IGDCC3: variants seen among roughly 807,000 people sequenced by gnomAD.
The protein encoded by IGDCC3 is putative neuronal cell adhesion molecule.
A neutral mutation model predicts 72.0 loss-of-function variants in IGDCC3; 47 were observed. The observed-to-expected ratio is 0.65, with a 90% CI of 0.52 to 0.83. The LOEUF (loss-of-function observed/expected upper bound fraction) is 0.83, where lower values mean the gene tolerates loss of function less well. Ranked by LOEUF, IGDCC3 falls within the 40% of genes least tolerant of loss-of-function variation. The pLI, the probability that IGDCC3 is intolerant of heterozygous loss-of-function variation, is 0.00. For missense variants in IGDCC3, 1,038 were observed against 1,091.3 expected, an observed-to-expected ratio of 0.95 and a Z score of 0.69; for synonymous variants, 477 against 472.8, an observed-to-expected ratio of 1.01 and a Z score of -0.11.
Position 65,329,699 on chromosome 15 carries a change from A to G in IGDCC3, c.1997+27T>C, listed in dbSNP as rs756982927. 2 of 1,613,786 alleles carry G rather than the reference A, an allele frequency of 1.2e-6. No individual in the cohort carries two copies. Among genetic ancestry groups the G allele is most frequent in the East Asian group, 4.5e-5 (2 of 44,872 alleles). On this transcript the variant is annotated intron_variant, in intron 12 of 13. Coordinates refer to ENST00000327987, the MANE Select transcript of IGDCC3 (RefSeq NM_004884.4). The surrounding 1 kb of genome is among the most constrained non-coding windows in gnomAD (Gnocchi z 4.1). Reference sequence around the variant, plus strand: ...GGCCTAGTCCCCCACACACCAGCCCAGCCCCTCTCCCTGGCCCAGGACCCA... The same window carrying G: ...GGCCTAGTCCCCCACACACCAGCCCGGCCCCTCTCCCTGGCCCAGGACCCA...
chr15:65,358,595 C>T (rs2091241014), intron 2 of IGDCC3, among the ~76,000 whole-genome samples: 1 of 152,136 alleles, frequency 6.6e-6, no homozygotes, highest in Non-Finnish European at 1.5e-5. Context: ...AGAAATGGCA[C>T]ATTCAAAAAG....
At chr15:65,345,956 CA>C (rs1176299479) in intron 2 of IGDCC3, among the ~76,000 whole-genome samples, 1 of 152,172 alleles carries the variant, frequency 6.6e-6, no homozygotes, top group Non-Finnish European at 1.5e-5. Context: ...CGGGGAAATA[CA>C]TATTCAAATG....
At position 65,330,624 on chromosome 15, in the gene IGDCC3, G is replaced by A. The variant is rs764593539; in HGVS notation, c.1679C>T (p.Pro560Leu). 4 of 1,613,804 alleles carry A rather than the reference G, an allele frequency of 2.5e-6. No individual in the cohort carries two copies. The Admixed American group carries it at 5.0e-5, about 20-fold the overall frequency. The part of the protein sequence containing the change: ...HEGGFKLFYR[P>L]ASKTSFTGPI... The stretch of plus-strand genomic sequence containing the variant: ...GCCGGTGAAGGAGGTCTTGCTTGCT[G>A]GGCGGTAAAACAGCTTGAAGCCGCC... Residue 560 changes from proline to leucine, a missense_variant, in exon 10 of 14, where the codon CCA becomes CTA. Transcript: ENST00000327987.
intron 5 of IGDCC3, 91 bp from the exon 6 acceptor site, chr15:65,333,506 C>T: frequency 8.0e-7 from 1 of 1,250,754 alleles, no homozygotes; most frequent in South Asian, 1.6e-5. Context: ...CTTGCCCTTC[C>T]TCCTGTCTTC....
At chr15:65,351,336 C>T (rs1247480557) in intron 2 of IGDCC3, among the ~76,000 whole-genome samples, 3 of 152,162 alleles carry the variant, frequency 2.0e-5, no homozygotes, top group Admixed American at 2.0e-4. Flanking sequence ...GGAGATCGAC[C>T]ATCCTGGCTA....
chr15:65,368,446 G>A (rs1240565247), intron 2 of IGDCC3, among the ~76,000 whole-genome samples: 1 of 152,174 alleles, frequency 6.6e-6, no homozygotes, highest in African/African-American at 2.4e-5. Flanking sequence ...TGTTTAAGGG[G>A]CCAGCTGGCT....
intron 2 of IGDCC3, among the ~76,000 whole-genome samples, chr15:65,338,550 G>A (rs1237507779): frequency 6.6e-6 from 1 of 152,268 alleles, no homozygotes; most frequent in East Asian, 1.9e-4. Context: ...CCACCCCTGG[G>A]AGCCCAGCTG....
intron 2 of IGDCC3, among the ~76,000 whole-genome samples, chr15:65,370,626 A>G (rs28642392): frequency 1.7e-4 from 23 of 131,560 alleles, no homozygotes; most frequent in East Asian, 8.1e-4. Context: ...ATGTGTATAT[A>G]TATATATATA....
At chr15:65,372,762 G>T (rs917612414) in intron 2 of IGDCC3, among the ~76,000 whole-genome samples, 2 of 152,204 alleles carry the variant, frequency 1.3e-5, no homozygotes, top group Non-Finnish European at 2.9e-5. Flanking sequence ...AACATCTGCA[G>T]TGCCGGCAGG....
At chr15:65,337,044 G>A (rs1024854042) in intron 2 of IGDCC3, among the ~76,000 whole-genome samples, 4 of 152,134 alleles carry the variant, frequency 2.6e-5, no homozygotes, top group Admixed American at 6.5e-5. Context: ...ACTGGAGCTC[G>A]TCCTGGCTCC....
rs919586975 is a variant in IGDCC3 at position 65,377,748 on chromosome 15, G to A, written c.41C>T (p.Ala14Val). The change falls in exon 1 of 14, where the codon GCC becomes GTC. Residue 14 changes from alanine (A) to valine (V), a missense_variant. Physicochemically the swap from Ala to Val is moderately conservative, Grantham distance 64. Transcript: ENST00000327987. This position sits in a 1 kb window ranked among gnomAD's most constrained non-coding sequence, Gnocchi z 4.9. The stretch of plus-strand genomic sequence containing the variant: ...CAGCAGGAGCCGGGGCCAGAGCGGG[G>A]CGGGCGGGCGGCGCGGAGACGCGGC... ...QRAASPRRPP[A>V]PLWPRLLLPL... 16 of 1,317,324 alleles carry A rather than the reference G, an allele frequency of 1.2e-5. No homozygotes were observed. The African/African-American group carries it at 2.0e-4, about 17-fold the overall frequency. 81.6% of individuals were successfully genotyped at this position (1,317,324 alleles called of 1,614,324 possible).
chr15:65,329,030 G>T lies in IGDCC3; in HGVS notation c.2324C>A (p.Pro775His). ...TEAKTTEATA[P>H]CAGLAAAPPP... ...TGGGGCAGCCGCCAGGCCGGCGCAG[G>T]GAGCCGTGGCCTCTGTGGTCTTCGC... is the stretch of plus-strand genomic sequence containing the variant. The change falls in exon 14 of 14, where the codon CCC becomes CAC. Residue 775 changes from proline (P) to histidine (H), a missense_variant. Physicochemically the swap from Pro to His is moderately conservative, Grantham distance 77 (BLOSUM62 -2). Coordinates refer to ENST00000327987, the MANE Select transcript of IGDCC3 (RefSeq NM_004884.4). The surrounding 1 kb of genome is among the most constrained non-coding windows in gnomAD (Gnocchi z 4.1). 1 of 1,612,554 alleles carries T rather than the reference G, an allele frequency of 6.2e-7. No homozygotes were observed. The highest frequency in any genetic ancestry group is 8.5e-7 in the Non-Finnish European group (1 of 1,179,520).
chr15:65,329,180 C>A lies in IGDCC3; in HGVS notation c.2206-32G>T. Reference sequence around the variant, plus strand: ...AAAGAGCCCGTCACACAGGCGTCAGCTTGAGGGCCAGGGCGCCAGGCTCCA... The same window carrying A: ...AAAGAGCCCGTCACACAGGCGTCAGATTGAGGGCCAGGGCGCCAGGCTCCA... On this transcript the variant is annotated intron_variant, in intron 13 of 13. Transcript: ENST00000327987. This position sits in a 1 kb window ranked among gnomAD's most constrained non-coding sequence, Gnocchi z 4.1. 6.3e-7 allele frequency: 1 copy of A among 1,581,514 alleles called. No homozygotes were observed. Among genetic ancestry groups the A allele is most frequent in the South Asian group, 1.2e-5 (1 of 86,268 alleles).
chr15:65,365,654 A>T (rs755350930), intron 2 of IGDCC3, among the ~76,000 whole-genome samples: 4 of 141,482 alleles, frequency 2.8e-5, no homozygotes, highest in Non-Finnish European at 4.6e-5. Flanking sequence ...TTTGAACCTT[A>T]TCTTCCCAGT....
chr15:65,362,651 C>T lies in IGDCC3; in HGVS notation c.409+12446G>A, dbSNP rs118079409. 4.9e-4 allele frequency among the ~76,000 whole-genome samples: 74 copies of T among 152,086 alleles called. No homozygotes were observed. The East Asian group carries it at 0.013, about 27-fold the overall frequency. Reference sequence around the variant, plus strand: ...CCTTCAGAATGACTGATGACAGGGCCGTGCCCCCTCCCATTTTCCACAAAG... The same window carrying T: ...CCTTCAGAATGACTGATGACAGGGCTGTGCCCCCTCCCATTTTCCACAAAG... On this transcript the variant is annotated intron_variant, in intron 2 of 13. Coordinates refer to ENST00000327987, the MANE Select transcript of IGDCC3 (RefSeq NM_004884.4).
Position 65,327,236 on chromosome 15 carries a change from C to G in IGDCC3, c.*1673G>C, listed in dbSNP as rs2090925893. 1 of 152,754 alleles carries G rather than the reference C, an allele frequency of 6.5e-6. No individual in the cohort carries two copies. The highest frequency in any genetic ancestry group is 1.9e-4 in the East Asian group (1 of 5,202). The allele number at this position is 152,754 out of a possible 1,614,324, so 9.5% of individuals were successfully genotyped here. ...CCTCCTGCCCCAGCCGCACCCTTCC[C>G]AAGGGAGAGGGAGGCTCCCGAGAGA... On this transcript the variant is annotated 3_prime_UTR_variant, in exon 14 of 14. Transcript: ENST00000327987.
Position 65,330,668 on chromosome 15 carries a change from G to T in IGDCC3, c.1635C>A (p.Pro545=). 6.2e-7 allele frequency: 1 copy of T among 1,613,594 alleles called. No individual in the cohort carries two copies. Among genetic ancestry groups the T allele is most frequent in the South Asian group, 1.1e-5 (1 of 91,068 alleles). ...AGCCGCCCTCGTGCTGGGCCAGCCG[G>T]GGCCAAGGCTCCCACAGCAGCTGCA... The part of the protein sequence containing the change: ...SSLQLLWEPW[P]RLAQHEGGFK... The change falls in exon 10 of 14, where the codon CCC becomes CCA. Residue 545 remains proline (P), a synonymous_variant. Coordinates refer to ENST00000327987, the MANE Select transcript of IGDCC3 (RefSeq NM_004884.4).
At chr15:65,363,802 G>A (rs777648787) in intron 2 of IGDCC3, among the ~76,000 whole-genome samples, 4 of 152,172 alleles carry the variant, frequency 2.6e-5, no homozygotes, top group South Asian at 4.1e-4. Flanking sequence ...AAACAAGAAA[G>A]GGAAAGGGAG....
At chr15:65,343,582 G>A (rs937837356) in intron 2 of IGDCC3, among the ~76,000 whole-genome samples, 4 of 152,180 alleles carry the variant, frequency 2.6e-5, no homozygotes, top group African/African-American at 9.7e-5. Context: ...TATAAACCCA[G>A]CCCTTTATTG....
Sources: allele counts gnomAD v4.1 joint callset (sites outside exome capture counted in the v4.1 genomes callset), GRCh38; gene constraint gnomAD v4.1.1; non-coding constraint Gnocchi (gnomAD v3.1); transcripts MANE v1.5; gene names NCBI Gene and HGNC (gene_info 2026-07-23, HGNC 2026-07-21).